SLC1A3: variants seen among roughly 807,000 people sequenced by gnomAD.
The protein encoded by SLC1A3 is excitatory amino acid transporter 1.
A neutral mutation model predicts 48.1 loss-of-function variants in SLC1A3; 21 were observed. The observed-to-expected ratio is 0.44, with a 90% CI of 0.31 to 0.63. SLC1A3 has a LOEUF of 0.63. SLC1A3 is among the 20% of genes least tolerant of loss of function. The pLI is 0.08. For missense variants in SLC1A3, 546 were observed against 689.0 expected, an observed-to-expected ratio of 0.79 and a Z score of 2.32; for synonymous variants, 239 against 251.4, an observed-to-expected ratio of 0.95 and a Z score of 0.47.
intron 3 of SLC1A3, chr5:36,649,373 T>A: frequency 6.7e-6 from 1 of 149,812 alleles, no homozygotes; most frequent in Admixed American, 6.7e-5. Flanking sequence ...AAAAAGATTC[T>A]CTATCTCTAT....
intron 5 of SLC1A3, among the ~76,000 whole-genome samples, 193 bp downstream of exon 5, chr5:36,674,284 A>G (rs1006923831): frequency 6.6e-6 from 1 of 152,182 alleles, no homozygotes; most frequent in African/African-American, 2.4e-5. Flanking sequence ...AAAGCTTAGT[A>G]GTTGTCAGAC....
chr5:36,601,271 T>A (rs1341089188), intron 1 of SLC1A3, among the ~76,000 whole-genome samples: 1 of 149,196 alleles, frequency 6.7e-6, no homozygotes, highest in Admixed American at 6.6e-5. Flanking sequence ...CCTTTGGTAC[T>A]GTATTATGTT....
upstream of SLC1A3, among the ~76,000 whole-genome samples, chr5:36,601,693 A>G (rs1359101107): frequency 6.6e-6 from 1 of 152,156 alleles, no homozygotes; most frequent in African/African-American, 2.4e-5. Flanking sequence ...AAAGGGGGAC[A>G]CTGAGGTAGG....
Position 36,679,869 on chromosome 5 carries a change from GTA to G in SLC1A3, c.1094+11_1094+12del, listed in dbSNP as rs1414305972. Reference sequence around the variant, plus strand: ...CTGGGGACCTCTTCAAGGTATGTATGTATGTGTGGAAAATGAGTCTGAAATGT... The same window carrying G: ...CTGGGGACCTCTTCAAGGTATGTATGTGTGTGGAAAATGAGTCTGAAATGT... On this transcript the variant is annotated intron_variant, in intron 7 of 9. Transcript: ENST00000265113. 52 of 1,589,966 alleles carry G rather than the reference GTA, an allele frequency of 3.3e-5. No homozygotes were observed. Among genetic ancestry groups the G allele is most frequent in the Non-Finnish European group, 4.3e-5 (50 of 1,158,246 alleles).
At chr5:36,676,760 T>C in intron 5 of SLC1A3, 132 bp from the exon 6 acceptor site, 1 of 704,288 alleles carries the variant, frequency 1.4e-6, no homozygotes, top group East Asian at 2.7e-5. Flanking sequence ...AGAGAGAGAC[T>C]TTCTATAACA....
intron 6 of SLC1A3, among the ~76,000 whole-genome samples, chr5:36,678,469 G>A (rs192369697): frequency 6.5e-4 from 99 of 152,268 alleles, no homozygotes; most frequent in Middle Eastern, 6.8e-3. Context: ...CTGTACATTC[G>A]CCTGCACATT....
intron 3 of SLC1A3, among the ~76,000 whole-genome samples, chr5:36,663,372 C>T: frequency 6.8e-6 from 1 of 147,280 alleles, no homozygotes; most frequent in Non-Finnish European, 1.5e-5. Flanking sequence ...TGCTCCACCA[C>T]GCCCGGCATT....
At chr5:36,665,065 G>T (rs939693876) in intron 3 of SLC1A3, among the ~76,000 whole-genome samples, 1 of 152,128 alleles carries the variant, frequency 6.6e-6, no homozygotes, top group Admixed American at 6.5e-5. Context: ...TCCCCACAAG[G>T]TTTGTCTCTT....
intron 6 of SLC1A3, 127 bp from the exon 7 acceptor site, chr5:36,679,500 A>C: frequency 1.3e-6 from 1 of 754,446 alleles, no homozygotes; most frequent in Non-Finnish European, 2.4e-6. Context: ...TGTAAGTCCT[A>C]ATGGTATCCT....
At chr5:36,599,759 G>A (rs1017994044) in intron 1 of SLC1A3, among the ~76,000 whole-genome samples, 1 of 151,854 alleles carries the variant, frequency 6.6e-6, no homozygotes. Context: ...ACCCGCTTAG[G>A]CCTCTCAAAG....
At chr5:36,603,214 G>C (rs973014169), upstream of SLC1A3, among the ~76,000 whole-genome samples, 7 of 152,220 alleles carry the variant, frequency 4.6e-5, no homozygotes, top group East Asian at 1.3e-3. Context: ...CATGCCACAC[G>C]ATGGCTGCTA....
intron 1 of SLC1A3, among the ~76,000 whole-genome samples, chr5:36,599,375 G>A (rs1464232846): frequency 6.6e-6 from 1 of 152,072 alleles, no homozygotes. Context: ...TTGTCCTGGG[G>A]CTTAGCTAGG....
At chr5:36,603,802 T>C (rs1001994981), upstream of SLC1A3, among the ~76,000 whole-genome samples, 5 of 152,182 alleles carry the variant, frequency 3.3e-5, no homozygotes, top group East Asian at 1.9e-4. Flanking sequence ...TTCATGATGA[T>C]CCTAAAATGC....
intron 6 of SLC1A3, 93 bp downstream of exon 6, chr5:36,677,277 T>C (rs968730985): frequency 3.6e-5 from 40 of 1,103,852 alleles, no homozygotes; most frequent in Non-Finnish European, 4.6e-5. Flanking sequence ...CGAGGCAGGA[T>C]GGCCAATTGC....
In SLC1A3 at chr5:36,688,201, T is replaced by C. The variant is rs1305177486; in HGVS notation, c.*1932T>C. 1 of 152,232 alleles carries C rather than the reference T, an allele frequency of 6.6e-6. No individual in the cohort carries two copies. Among genetic ancestry groups the C allele is most frequent in the Non-Finnish European group, 1.5e-5 (1 of 68,056 alleles). The allele number at this position is 152,232 out of a possible 1,614,324, so 9.4% of individuals were successfully genotyped here. ...TTTTTAATATACTAACCATTTCTTA[T>C]GGAAAGGTCCTGTGGGGAGCCCATC... On this transcript the variant is annotated 3_prime_UTR_variant, in exon 10 of 10. Coordinates refer to ENST00000265113, the MANE Select transcript of SLC1A3 (RefSeq NM_004172.5).
chr5:36,681,820 T>G (rs1046789088), intron 8 of SLC1A3, among the ~76,000 whole-genome samples: 20 of 152,014 alleles, frequency 1.3e-4, no homozygotes, highest in Non-Finnish European at 2.5e-4. Flanking sequence ...TGTTGTGGGG[T>G]TTTTTTTAAA....
intron 5 of SLC1A3, 63 bp from the exon 6 acceptor site, chr5:36,676,829 A>G (rs149437760): frequency 7.8e-7 from 1 of 1,288,424 alleles, no homozygotes; most frequent in Admixed American, 2.3e-5. Context: ...ATTTGACAAT[A>G]GGAAAATATA....
intron 2 of SLC1A3, chr5:36,612,960 A>T: frequency 2.5e-6 from 1 of 403,500 alleles, no homozygotes. Flanking sequence ...CACTGGTGAG[A>T]CTTGGCAATT....
intron 2 of SLC1A3, among the ~76,000 whole-genome samples, chr5:36,622,926 G>A (rs999731672): frequency 1.3e-4 from 20 of 151,202 alleles, no homozygotes; most frequent in African/African-American, 4.6e-4. Context: ...GCAGGAGAAT[G>A]GCTTGAACCT....
Sources: gnomAD v4.1 joint callset for allele counts (sites outside exome capture counted in the v4.1 genomes callset) on GRCh38, gnomAD v4.1.1 for gene constraint, MANE v1.5 for transcripts, NCBI Gene and HGNC (gene_info 2026-07-23, HGNC 2026-07-21) for gene names.